The following DIAPH3 variants were observed in gnomAD, a reference collection of about 807,000 sequenced individuals.
DIAPH3 encodes diaphanous related formin 3.
Under a neutral mutation model 144.3 loss-of-function variants are expected in DIAPH3, and 117 were observed. That is an observed-to-expected ratio of 0.81 (90% CI 0.70 to 0.95). The LOEUF (loss-of-function observed/expected upper bound fraction) is 0.95, where lower values mean the gene tolerates loss of function less well. DIAPH3 is among the 40% of genes least tolerant of loss of function. The pLI is 0.00. For synonymous variants in DIAPH3, 519 were observed against 488.9 expected (o/e 1.06, Z -0.81); for missense variants, 1,421 against 1,412.7 (o/e 1.01, Z -0.09).
At chr13:59,761,684 T>G (rs2037596909) in intron 27 of DIAPH3, among the ~76,000 whole-genome samples, 1 of 152,054 alleles carries the variant, frequency 6.6e-6, no homozygotes. Context: ...TCCTTAGGAG[T>G]GTACACTGAA....
rs374867443 is a variant in DIAPH3, at chr13:60,031,771, C to G, written c.626+10919G>C. 1.1e-4 allele frequency among the ~76,000 whole-genome samples: 7 copies of G among 61,960 alleles called. No individual in the cohort carries two copies. In the East Asian group the frequency reaches 1.5e-3, roughly 13 times the overall value. 40.6% of individuals were successfully genotyped at this position (61,960 alleles called of 152,430 possible). ...TTTTTTTTTTTTTTTGAGATGGGGT[C>G]TTTCGCTTTGTCACCAGGCTGGAGT... is the stretch of plus-strand genomic sequence containing the variant. On this transcript the variant is annotated intron_variant, in intron 5 of 27. Transcript: ENST00000400324.
rs774832755 is a variant in DIAPH3, at chr13:59,983,860, C to T, written c.1389G>A (p.Glu463=). The part of the protein sequence containing the change: ...IRQQYFKLID[E]CVSQIVLHRD... The stretch of plus-strand genomic sequence containing the variant: ...TATGCAATACAATCTGGGATACACA[C>T]TCATCAATTAATTTGAAGTATTGTT... The change falls in exon 13 of 28, where the codon GAG becomes GAA. Residue 463 remains glutamate, a synonymous_variant. Transcript: ENST00000400324. 11 of 1,608,320 alleles carry T rather than the reference C, an allele frequency of 6.8e-6. No individual in the cohort carries two copies. Among genetic ancestry groups the T allele is most frequent in the Non-Finnish European group, 7.7e-6 (9 of 1,175,996 alleles).
chr13:59,859,199 G>C (rs1181716693), intron 22 of DIAPH3, among the ~76,000 whole-genome samples: 2 of 151,994 alleles, frequency 1.3e-5, no homozygotes, highest in African/African-American at 4.8e-5. Flanking sequence ...TTCAGTGATG[G>C]CTTTTCTATG....
At chr13:60,051,029 A>T (rs1156785598) in intron 4 of DIAPH3, among the ~76,000 whole-genome samples, 1 of 152,226 alleles carries the variant, frequency 6.6e-6, no homozygotes, top group Middle Eastern at 3.2e-3. Flanking sequence ...GTTCTCAGCA[A>T]GTAAATGAAT....
intron 17 of DIAPH3, among the ~76,000 whole-genome samples, chr13:59,950,689 T>C (rs1466064925): frequency 2.0e-5 from 3 of 152,274 alleles, no homozygotes; most frequent in East Asian, 3.9e-4. Context: ...TCCTTCATGA[T>C]ACTTTTCTAA....
chr13:59,999,931 T>A (rs1327894699), intron 9 of DIAPH3, among the ~76,000 whole-genome samples: 4 of 152,220 alleles, frequency 2.6e-5, no homozygotes, highest in African/African-American at 9.6e-5. Context: ...AGGGTTATCA[T>A]TTTCAAATTG....
At chr13:59,977,520 T>G (rs1168645433) in intron 14 of DIAPH3, among the ~76,000 whole-genome samples, 1 of 151,698 alleles carries the variant, frequency 6.6e-6, no homozygotes, top group Non-Finnish European at 1.5e-5. Flanking sequence ...ATAATCAAAT[T>G]TTTACTTTCA....
intron 21 of DIAPH3, 102 bp from the exon 22 acceptor site, chr13:59,861,638 A>G: frequency 7.7e-7 from 1 of 1,297,710 alleles, no homozygotes; most frequent in Middle Eastern, 2.3e-4. Context: ...AAGGACTAAA[A>G]GTTGTAAAAT....
chr13:59,808,993 T>C (rs1038039397), intron 25 of DIAPH3, among the ~76,000 whole-genome samples: 2 of 152,206 alleles, frequency 1.3e-5, no homozygotes, highest in Non-Finnish European at 2.9e-5. Context: ...GAAAGCTTCC[T>C]TAGGGAGACA....
At chr13:59,968,112 T>G (rs998261866) in intron 17 of DIAPH3, among the ~76,000 whole-genome samples, 3 of 152,194 alleles carry the variant, frequency 2.0e-5, no homozygotes, top group Non-Finnish European at 2.9e-5. Flanking sequence ...AATACATCAT[T>G]TTTTTATTCA....
At chr13:59,689,727 G>A (rs1297864882) in intron 27 of DIAPH3, among the ~76,000 whole-genome samples, 1 of 151,858 alleles carries the variant, frequency 6.6e-6, no homozygotes, top group Non-Finnish European at 1.5e-5. Context: ...GGCAGATGTT[G>A]GGGGACAAGT....
Position 59,806,092 on chromosome 13 carries a change from G to T in DIAPH3, c.3163+4696C>A, listed in dbSNP as rs1388575953. Among the ~76,000 whole-genome samples, 4 of 152,050 alleles carry T rather than the reference G, an allele frequency of 2.6e-5. No individual in the cohort carries two copies. The East Asian group carries it at 7.7e-4, about 29-fold the overall frequency. On this transcript the variant is annotated intron_variant, in intron 25 of 27. Transcript: ENST00000400324. ...AATATATGGAAGGAAGCTCCCTGTG[G>T]GTTTATGGCAGAGTTATGTGAAGAT...
rs73540682 is a variant in DIAPH3, at chr13:59,666,568, T to A, written c.*16A>T. The A allele has an allele frequency of 4.4e-3, 7,109 of 1,613,502 alleles. 266 individuals carry two copies. In the African/African-American group the frequency reaches 0.081, roughly 18 times the overall value. On this transcript the variant is annotated 3_prime_UTR_variant, in exon 28 of 28. Coordinates refer to ENST00000400324, the MANE Select transcript of DIAPH3 (RefSeq NM_001042517.2). The stretch of plus-strand genomic sequence containing the variant: ...TTATATTTGGCTTAATCATTTTTTT[T>A]AAAAACCAGTTTAACTTATAAAGCT...
chr13:59,820,375 T>TA (rs1186105276), intron 24 of DIAPH3, among the ~76,000 whole-genome samples: 1 of 151,994 alleles, frequency 6.6e-6, no homozygotes, highest in Admixed American at 6.6e-5. Flanking sequence ...CAAGTCTAGC[T>TA]ATTATACCTC....
chr13:59,830,515 A>G (rs550538075), intron 24 of DIAPH3, among the ~76,000 whole-genome samples: 2 of 151,932 alleles, frequency 1.3e-5, no homozygotes, highest in South Asian at 4.1e-4. Context: ...AGTGACTTCT[A>G]GGACCCCATG....
intron 3 of DIAPH3, among the ~76,000 whole-genome samples, chr13:60,094,223 T>C (rs1488985786): frequency 6.6e-6 from 1 of 152,152 alleles, no homozygotes; most frequent in Non-Finnish European, 1.5e-5. Context: ...GACAAAGCAC[T>C]TTATAGTTTT....
rs2051800384 is a variant in DIAPH3, at chr13:59,991,426, T to C, written c.1245-152A>G. The C allele has an allele frequency of 1.2e-5, 8 of 650,626 alleles. No homozygotes were observed. In the South Asian group the frequency reaches 1.3e-4, roughly 10 times the overall value. The allele number at this position is 650,626 out of a possible 1,614,324, so 40.3% of individuals were successfully genotyped here. On this transcript the variant is annotated intron_variant, in intron 11 of 27. Coordinates refer to ENST00000400324, the MANE Select transcript of DIAPH3 (RefSeq NM_001042517.2). The stretch of plus-strand genomic sequence containing the variant: ...TACAGATATTTAGGATTGAGGGTAG[T>C]GGAAAAACTCTGGAAATGGTGACTT...
At chr13:59,828,039 A>G (rs913172321) in intron 24 of DIAPH3, among the ~76,000 whole-genome samples, 2 of 152,064 alleles carry the variant, frequency 1.3e-5, no homozygotes, top group African/African-American at 2.4e-5. Context: ...GATTAATGCT[A>G]TACAACACTA....
intron 5 of DIAPH3, among the ~76,000 whole-genome samples, chr13:60,040,037 A>G (rs1566697672): frequency 6.6e-6 from 1 of 151,896 alleles, no homozygotes; most frequent in Non-Finnish European, 1.5e-5. Context: ...GGAATTCAAG[A>G]CCAGCCTGGC....
Sources: gnomAD v4.1 joint callset for allele counts (sites outside exome capture counted in the v4.1 genomes callset) on GRCh38, gnomAD v4.1.1 for gene constraint, MANE v1.5 for transcripts, NCBI Gene and HGNC (gene_info 2026-07-23, HGNC 2026-07-21) for gene names.